DNAH17: variants seen among roughly 807,000 people sequenced by gnomAD.
DNAH17 encodes dynein axonemal heavy chain 17.
In DNAH17, 376 loss-of-function variants were observed where a neutral mutation model predicts 485.6. The observed-to-expected ratio is 0.77, with a 90% CI of 0.71 to 0.84. DNAH17 has a LOEUF of 0.84. Among genes scored for constraint, DNAH17 ranks in the 40% least tolerant of loss-of-function variants. The probability of loss-of-function intolerance (pLI) is 0.00; values close to 1 mark genes in which losing one functional copy is unlikely to be tolerated. For synonymous variants in DNAH17, 3,031 were observed against 2,405.9 expected, an observed-to-expected ratio of 1.26 and a Z score of -7.60; for missense variants, 6,370 against 5,839.3, an observed-to-expected ratio of 1.09 and a Z score of -2.96.
At chr17:78,490,593 A>G (rs1172794177) in intron 44 of DNAH17, 106 bp downstream of exon 44, 8 of 1,453,056 alleles carry the variant, frequency 5.5e-6, no homozygotes, top group Non-Finnish European at 7.4e-6. Context: ...GGCCTGATAC[A>G]CAGTTTGTGA....
At chr17:78,452,802 C>T in intron 65 of DNAH17, among the ~76,000 whole-genome samples, 1 of 152,098 alleles carries the variant, frequency 6.6e-6, no homozygotes, top group African/African-American at 2.4e-5. Context: ...TTGCTTGATT[C>T]TCTTCAGAGG....
Position 78,566,619 on chromosome 17 carries a change from C to A in DNAH17, c.1564G>T (p.Ala522Ser). 1 of 1,603,124 alleles carries A rather than the reference C, an allele frequency of 6.2e-7. No individual in the cohort carries two copies. The highest frequency in any genetic ancestry group is 1.3e-5 in the African/African-American group (1 of 74,872). Residue 522 changes from alanine (A) to serine (S), a missense_variant, in exon 11 of 81, where the codon GCA becomes TCA. Physicochemically the swap from Ala to Ser is moderately conservative, Grantham distance 99. Coordinates refer to ENST00000389840, the MANE Select transcript of DNAH17 (RefSeq NM_173628.4). ...CGTCTCCACTGCATGCTTACCTTTG[C>A]GGAGGACTTGATACAGCTGCAGTCA... The part of the protein sequence containing the change: ...FDDCSCIKSS[A>S]KLLYMCGGLM...
intron 18 of DNAH17, among the ~76,000 whole-genome samples, chr17:78,537,982 T>TA (rs1184150070): frequency 6.6e-6 from 1 of 151,860 alleles, no homozygotes; most frequent in Non-Finnish European, 1.5e-5. Flanking sequence ...CTACTAAAAA[T>TA]ACAAAATAAT....
chr17:78,440,280 A>T (rs1450258336), intron 72 of DNAH17, among the ~76,000 whole-genome samples: 4 of 84,484 alleles, frequency 4.7e-5, no homozygotes, highest in Non-Finnish European at 6.3e-5. Flanking sequence ...TTTTTGAGAC[A>T]GGGTCTTACT....
chr17:78,563,749 G>C (rs368264038), intron 11 of DNAH17, among the ~76,000 whole-genome samples: 1 of 149,256 alleles, frequency 6.7e-6, no homozygotes, highest in African/African-American at 2.5e-5. Context: ...ACTAACTCCG[G>C]AACAGGCAGG....
chr17:78,450,301 G>A lies in DNAH17; in HGVS notation c.10993C>T (p.Leu3665=), dbSNP rs771652743. 6.2e-7 allele frequency: 1 copy of A among 1,614,022 alleles called. No homozygotes were observed. Among genetic ancestry groups the A allele is most frequent in the Non-Finnish European group, 8.5e-7 (1 of 1,179,900 alleles). Residue 3665 remains leucine (L), a synonymous_variant, in exon 68 of 81, where the codon CTG becomes TTG. Transcript: ENST00000389840. The stretch of plus-strand genomic sequence containing the variant: ...GGGTTGATTTTGTTGAGATCGTTCA[G>A]TATGAAGTAGAGCAGAGATGCCCTC... The part of the protein sequence containing the change: ...AERASLLYFI[L]NDLNKINPVY...
rs774622801 is a variant in DNAH17, at chr17:78,543,986, G to A, written c.2403C>T (p.Ala801=). 1.1e-5 allele frequency: 17 copies of A among 1,613,854 alleles called. No individual in the cohort carries two copies. The highest frequency in any genetic ancestry group is 9.9e-5 in the South Asian group (9 of 91,080). ...TGTCCTTTCTTTCAAACAGCGGGTT[G>A]GCCGACCAGTCCTGGAAGGAAAGCA... is the stretch of plus-strand genomic sequence containing the variant. ...GISQAMKDWS[A]NPLFERKDNK... Residue 801 remains alanine, a synonymous_variant, in exon 17 of 81, where the codon GCC becomes GCT. Transcript: ENST00000389840.
intron 36 of DNAH17, 25 bp from the exon 37 acceptor site, chr17:78,499,137 G>C (rs1371349770): frequency 1.3e-6 from 2 of 1,503,688 alleles, no homozygotes; most frequent in Admixed American, 2.1e-5. Flanking sequence ...ATGGAGAAAG[G>C]AAGAGCTGGG....
intron 47 of DNAH17, 77 bp downstream of exon 47, chr17:78,485,473 C>T: frequency 7.2e-7 from 1 of 1,386,466 alleles, no homozygotes; most frequent in South Asian, 1.3e-5. Flanking sequence ...CCTGGGCCTG[C>T]AGTGAGAGGG....
rs2092361110 is a variant in DNAH17 at position 78,571,721 on chromosome 17, A to AC, written c.600dup (p.Ser201ValfsTer43). 1 of 1,613,248 alleles carries AC rather than the reference A, an allele frequency of 6.2e-7. No homozygotes were observed. Among genetic ancestry groups the AC allele is most frequent in the Admixed American group, 1.7e-5 (1 of 59,948 alleles). On this transcript the variant is annotated frameshift_variant, in exon 4 of 81. Transcript: ENST00000389840. LOFTEE classifies it high-confidence loss of function. ...CTCAGCACATCCCGGATCTGGTGGG[A>AC]CCAGTCGATGATGGTGGTTTCAATG...
rs753078433 is a variant in DNAH17, at chr17:78,454,714, G to A, written c.10171-9C>T. The A allele has an allele frequency of 3.1e-6, 5 of 1,607,594 alleles. No homozygotes were observed. Among genetic ancestry groups the A allele is most frequent in the South Asian group, 2.2e-5 (2 of 91,022 alleles). ...GTGATCGGGATGGGGACCTGCCCAGGGAGGCACACTTTCTTAGAGGGGGTA... is the reference window on the plus strand; with the variant it reads ...GTGATCGGGATGGGGACCTGCCCAGAGAGGCACACTTTCTTAGAGGGGGTA... On this transcript the variant is annotated splice_polypyrimidine_tract_variant and intron_variant, in intron 63 of 80. Transcript: ENST00000389840.
At chr17:78,466,551 G>A (rs2088467796) in intron 56 of DNAH17, 104 bp downstream of exon 56, 1 of 1,180,972 alleles carries the variant, frequency 8.5e-7, no homozygotes, top group Non-Finnish European at 1.1e-6. Flanking sequence ...GCCTCACTTG[G>A]CTCACCCTAA....
intron 14 of DNAH17, among the ~76,000 whole-genome samples, chr17:78,556,164 A>G (rs2092017901): frequency 6.7e-6 from 1 of 149,486 alleles, no homozygotes; most frequent in Non-Finnish European, 1.5e-5. Context: ...TCATCCACCT[A>G]TATAATCTAT....
In DNAH17 at chr17:78,500,446, C is replaced by T. The variant is rs1473166357; in HGVS notation, c.5499G>A (p.Leu1833=). The T allele has an allele frequency of 4.4e-6, 7 of 1,595,206 alleles. No individual in the cohort carries two copies. In the South Asian group the frequency reaches 4.5e-5, roughly 10 times the overall value. ...TPLTDRCYIT[L]TQSLHLIMGG... ...CCATGATGAGATGGAGGGACTGGGTCAGGGTGATATAGCACCTGCAAGTGA... is the reference window on the plus strand; with the variant it reads ...CCATGATGAGATGGAGGGACTGGGTTAGGGTGATATAGCACCTGCAAGTGA... The change falls in exon 36 of 81, where the codon CTG becomes CTA. Residue 1833 remains leucine, a synonymous_variant. Transcript: ENST00000389840.
At chr17:78,546,469 T>C (rs531167915) in intron 16 of DNAH17, among the ~76,000 whole-genome samples, 1 of 152,368 alleles carries the variant, frequency 6.6e-6, no homozygotes, top group Non-Finnish European at 1.5e-5. Flanking sequence ...CGTTTCCCTT[T>C]GTTGTGGTAT....
chr17:78,511,755 A>G (rs1397421125), intron 26 of DNAH17, among the ~76,000 whole-genome samples: 1 of 152,222 alleles, frequency 6.6e-6, no homozygotes, highest in East Asian at 1.9e-4. Flanking sequence ...TTGGGGACAT[A>G]TGTGCCCGAG....
chr17:78,537,461 A>T lies in DNAH17; in HGVS notation c.2697T>A (p.Phe899Leu). ...MVIDESIAPL[F>L]EIRMELDEDG... ...CCTCGTCCAGCTCCATGCGGATCTC[A>T]AACAGGGGAGCGATACTCTCCTGAA... The change falls in exon 19 of 81, where the codon TTT (phenylalanine) becomes TTA (leucine). Residue 899 changes from phenylalanine to leucine, a missense_variant. Transcript: ENST00000389840. 1 of 1,606,400 alleles carries T rather than the reference A, an allele frequency of 6.2e-7. No homozygotes were observed. Among genetic ancestry groups the T allele is most frequent in the East Asian group, 2.2e-5 (1 of 44,700 alleles).
At chr17:78,454,065 G>A (rs1431732831) in intron 64 of DNAH17, among the ~76,000 whole-genome samples, 5 of 151,978 alleles carry the variant, frequency 3.3e-5, no homozygotes, top group African/African-American at 7.3e-5. Context: ...ATATCCACCC[G>A]CCATTGGATT....
rs920340117 is a variant in DNAH17, at chr17:78,441,213, G to C, written c.11529-14C>G. 6.2e-7 allele frequency: 1 copy of C among 1,613,308 alleles called. No individual in the cohort carries two copies. The highest frequency in any genetic ancestry group is 8.5e-7 in the Non-Finnish European group (1 of 1,179,664). On this transcript the variant is annotated splice_polypyrimidine_tract_variant and intron_variant, in intron 71 of 80. Coordinates refer to ENST00000389840, the MANE Select transcript of DNAH17 (RefSeq NM_173628.4). ...TCCACGAAGTTCCTAGGGGTGGAGT[G>C]CATCAGAGGCAGCGGAACCTGAGGC...
Sources: allele counts gnomAD v4.1 joint callset (sites outside exome capture counted in the v4.1 genomes callset), GRCh38; gene constraint gnomAD v4.1.1; transcripts MANE v1.5; gene names NCBI Gene and HGNC (gene_info 2026-07-23, HGNC 2026-07-21).